Variants in SAMD5 observed in about 807,000 individuals in gnomAD.
SAMD5 encodes the protein sterile alpha motif domain-containing protein 5.
SAMD5 carries 13 observed loss-of-function variants against 11.3 expected under a neutral mutation model. The ratio of observed to expected loss-of-function variants is 1.15; its 90% CI spans 0.75 to 1.83. The LOEUF is 1.83. Ranked by LOEUF, SAMD5 falls within the 40% of genes most tolerant of loss-of-function variation. The pLI, the probability that SAMD5 is intolerant of heterozygous loss-of-function variation, is 0.00. For synonymous variants in SAMD5, 129 were observed against 111.3 expected, an observed-to-expected ratio of 1.16 and a Z score of -1.00; for missense variants, 255 against 239.1, an observed-to-expected ratio of 1.07 and a Z score of -0.44.
At chr6:147,889,671 T>C in the SAMD5 span, among the ~76,000 whole-genome samples, 2 of 152,204 alleles carry the variant, frequency 1.3e-5, no homozygotes, top group Non-Finnish European at 1.5e-5. Flanking sequence ...GTATCCTAAA[T>C]ATGCTCCCCA....
At chr6:147,782,247 A>G in the SAMD5 span, among the ~76,000 whole-genome samples, 1 of 152,178 alleles carries the variant, frequency 6.6e-6, no homozygotes, top group Non-Finnish European at 1.5e-5. Flanking sequence ...GTTCATTTAA[A>G]TGGCTCCACT....
chr6:147,601,993 C>T (rs1210904323), intron 1 of SAMD5, among the ~76,000 whole-genome samples: 1 of 152,192 alleles, frequency 6.6e-6, no homozygotes, highest in Non-Finnish European at 1.5e-5. Context: ...TGGAAGAGAC[C>T]TCCGATCTCG....
At chr6:147,811,367 T>C in the SAMD5 span, among the ~76,000 whole-genome samples, 1 of 151,996 alleles carries the variant, frequency 6.6e-6, no homozygotes, top group African/African-American at 2.4e-5. Context: ...CAAGAAAGAG[T>C]ATAGCAGAAG....
the SAMD5 span, among the ~76,000 whole-genome samples, chr6:147,874,821 G>T: frequency 1.3e-5 from 2 of 151,814 alleles, no homozygotes; most frequent in Non-Finnish European, 2.9e-5. Context: ...TTTAATTTTA[G>T]TGGTCCTTTA....
At chr6:147,726,224 C>T (rs968311797) in intron 1 of SAMD5, among the ~76,000 whole-genome samples, 2 of 152,194 alleles carry the variant, frequency 1.3e-5, no homozygotes, top group East Asian at 3.8e-4. Flanking sequence ...CTACCACCCA[C>T]CCCCGTTCCT....
rs941640109 is a variant in SAMD5, at chr6:147,593,427, G to A, written c.162+84040G>A. On this transcript the variant is annotated intron_variant, in intron 1 of 1. Transcript: ENST00000566741. Reference sequence around the variant, plus strand: ...ACTTTAGATTAAGGAACCAAGAAAGGCCATCTGTTCAAAAAGTCACCGATT... The same window carrying A: ...ACTTTAGATTAAGGAACCAAGAAAGACCATCTGTTCAAAAAGTCACCGATT... 2.5e-4 allele frequency among the ~76,000 whole-genome samples: 38 copies of A among 152,112 alleles called. 1 individual carries two copies. Among genetic ancestry groups the A allele is most frequent in the Non-Finnish European group, 1.0e-4 (7 of 68,016 alleles).
At chr6:147,525,692 C>T (rs1021761408) in intron 1 of SAMD5, among the ~76,000 whole-genome samples, 2 of 151,920 alleles carry the variant, frequency 1.3e-5, no homozygotes, top group Non-Finnish European at 2.9e-5. Context: ...ACTATGTGAG[C>T]GAAATCAACA....
chr6:147,877,897 A>AC, the SAMD5 span, among the ~76,000 whole-genome samples: 2 of 98,352 alleles, frequency 2.0e-5, no homozygotes, highest in Non-Finnish European at 4.0e-5. Context: ...ATAGATAGCT[A>AC]GATAGATAGA....
intron 1 of SAMD5, among the ~76,000 whole-genome samples, chr6:147,511,834 A>G (rs1788095503): frequency 6.6e-6 from 1 of 152,186 alleles, no homozygotes; most frequent in Admixed American, 6.5e-5. Flanking sequence ...ATTATTGAAG[A>G]ATTTGTTTTC....
chr6:147,787,616 C>T, the SAMD5 span, among the ~76,000 whole-genome samples: 819 of 152,234 alleles, frequency 5.4e-3, 2 homozygotes, highest in Middle Eastern at 0.034. Context: ...CTGGTGGTGG[C>T]AGCAAACAGA....
the SAMD5 span, among the ~76,000 whole-genome samples, chr6:147,880,674 G>A: frequency 3.3e-5 from 5 of 152,122 alleles, no homozygotes; most frequent in African/African-American, 9.7e-5. Flanking sequence ...TTCAGCTCGT[G>A]GGTGGTTTTA....
chr6:147,526,145 A>G (rs1202111301), intron 1 of SAMD5, among the ~76,000 whole-genome samples: 2 of 152,178 alleles, frequency 1.3e-5, no homozygotes, highest in East Asian at 3.9e-4. Flanking sequence ...ATATGTGCAG[A>G]GGGAATGGGA....
the SAMD5 span, among the ~76,000 whole-genome samples, chr6:147,899,050 A>G: frequency 0.31 from 47,277 of 150,782 alleles, 8,985 homozygotes; most frequent in African/African-American, 0.53. Flanking sequence ...GCGTGGTGGC[A>G]GGCACCTGTA....
chr6:147,854,824 T>G, the SAMD5 span, among the ~76,000 whole-genome samples: 3 of 152,190 alleles, frequency 2.0e-5, no homozygotes, highest in East Asian at 5.8e-4. Context: ...TAGTATTTAC[T>G]CAACAGATTT....
the SAMD5 span, among the ~76,000 whole-genome samples, chr6:147,742,875 G>A: frequency 3.3e-5 from 5 of 152,262 alleles, no homozygotes; most frequent in South Asian, 2.1e-4. Context: ...AATAATAAAT[G>A]ATTAATTTTA....
intron 1 of SAMD5, among the ~76,000 whole-genome samples, chr6:147,655,667 A>G (rs1790554459): frequency 1.3e-5 from 2 of 152,190 alleles, no homozygotes; most frequent in Non-Finnish European, 2.9e-5. Flanking sequence ...GATTCTCTAG[A>G]ATTTCCACGT....
chr6:147,575,438 G>T (rs1789204642), intron 1 of SAMD5, among the ~76,000 whole-genome samples: 1 of 152,262 alleles, frequency 6.6e-6, no homozygotes, highest in African/African-American at 2.4e-5. Context: ...CTCTGCATTT[G>T]TGCCACCACG....
At chr6:147,673,549 C>A (rs534680656) in intron 1 of SAMD5, among the ~76,000 whole-genome samples, 6 of 152,162 alleles carry the variant, frequency 3.9e-5, no homozygotes, top group Admixed American at 3.9e-4. Flanking sequence ...TTAGCCTTTT[C>A]TTTTGGAAAA....
the SAMD5 span, among the ~76,000 whole-genome samples, chr6:147,915,092 A>T: frequency 6.6e-6 from 1 of 152,210 alleles, no homozygotes; most frequent in African/African-American, 2.4e-5. Flanking sequence ...GACATTATTG[A>T]GTCAATTGAT....
Sources: allele counts gnomAD v4.1 joint callset (sites outside exome capture counted in the v4.1 genomes callset), GRCh38; gene constraint gnomAD v4.1.1; transcripts MANE v1.5; gene names NCBI Gene and HGNC (gene_info 2026-07-23, HGNC 2026-07-21).